Variants in DCK observed in about 807,000 individuals in gnomAD.
The protein encoded by DCK is deoxycytidine kinase.
A neutral mutation model predicts 38.3 loss-of-function variants in DCK; 23 were observed. The observed-to-expected ratio is 0.60, with a 90% CI of 0.43 to 0.85. The LOEUF is 0.85. Ranked by LOEUF, DCK falls within the 40% of genes least tolerant of loss-of-function variation. The pLI, the probability that DCK is intolerant of heterozygous loss-of-function variation, is 0.00. For missense variants in DCK, 259 were observed against 304.4 expected (o/e 0.85, Z 1.11); for synonymous variants, 108 against 100.6 (o/e 1.07, Z -0.44).
intron 6 of DCK, 137 bp downstream of exon 6, chr4:71,026,892 A>T (rs72553933): frequency 0.03 from 16,017 of 530,236 alleles, 324 homozygotes; most frequent in Non-Finnish European, 0.042. Flanking sequence ...AAGATTTTGG[A>T]CTGTTTAAGA....
At chr4:71,015,420 C>T (rs1293794185) in intron 2 of DCK, among the ~76,000 whole-genome samples, 2 of 152,202 alleles carry the variant, frequency 1.3e-5, no homozygotes, top group African/African-American at 4.8e-5. Flanking sequence ...GGAATCCTCC[C>T]TAACTCATTT....
rs188563156 is a variant in DCK, at chr4:71,006,293, C to T, written c.207+8111C>T. The T allele has an allele frequency of 1.4e-5, 13 of 945,182 alleles. No homozygotes were observed. The East Asian group carries it at 4.6e-4, about 34-fold the overall frequency. The allele number at this position is 945,182 out of a possible 1,614,324, so 58.5% of individuals were successfully genotyped here. A position where few individuals can be genotyped will look rare whatever the true frequency, so the allele number is the denominator to read the frequency against. On this transcript the variant is annotated intron_variant, in intron 2 of 6. Transcript: ENST00000286648. ...AAGTTGTAATTTTGCAGCATTTTAC[C>T]GTTCTGCACTGCAAATGAGGAAGAA... is the stretch of plus-strand genomic sequence containing the variant.
At chr4:70,998,640 G>A (rs1312930788) in intron 2 of DCK, among the ~76,000 whole-genome samples, 1 of 152,082 alleles carries the variant, frequency 6.6e-6, no homozygotes, top group African/African-American at 2.4e-5. Flanking sequence ...AACATGCATT[G>A]AGGCCGGGGT....
At chr4:70,999,354 T>G (rs1739732139) in intron 2 of DCK, among the ~76,000 whole-genome samples, 1 of 152,238 alleles carries the variant, frequency 6.6e-6, no homozygotes, top group African/African-American at 2.4e-5. Flanking sequence ...ATGAACTCAT[T>G]CTTTTATTAT....
rs1739593287 is a variant in DCK at position 70,993,770 on chromosome 4, G to A, written c.-66G>A. On this transcript the variant is annotated 5_prime_UTR_variant, in exon 1 of 7. Coordinates refer to ENST00000286648, the MANE Select transcript of DCK (RefSeq NM_000788.3). The stretch of plus-strand genomic sequence containing the variant: ...TTAGCGGCGCCGCGAGCTCCAGTGC[G>A]CGCACCCGTGGCCGCCTCCCAGCCC... 8.7e-7 allele frequency: 1 copy of A among 1,147,916 alleles called. No homozygotes were observed. Among genetic ancestry groups the A allele is most frequent in the Non-Finnish European group, 1.3e-6 (1 of 781,604 alleles). 71.1% of individuals were successfully genotyped at this position (1,147,916 alleles called of 1,614,324 possible).
At chr4:71,017,463 T>G (rs1740300521) in intron 2 of DCK, among the ~76,000 whole-genome samples, 1 of 152,136 alleles carries the variant, frequency 6.6e-6, no homozygotes, top group African/African-American at 2.4e-5. Context: ...CATGCTGCTA[T>G]ACAGACACAT....
intron 2 of DCK, among the ~76,000 whole-genome samples, chr4:71,017,126 AACAG>A (rs1170090480): frequency 1.3e-5 from 2 of 152,378 alleles, no homozygotes; most frequent in South Asian, 2.1e-4. Flanking sequence ...AAAGGATATG[AACAG>A]ACACTTTTCA....
chr4:71,001,459 T>C (rs1048810167), intron 2 of DCK, among the ~76,000 whole-genome samples: 1 of 152,170 alleles, frequency 6.6e-6, no homozygotes, highest in Non-Finnish European at 1.5e-5. Context: ...TTTTTTTTGT[T>C]GTGTCTCTGC....
At chr4:71,015,878 A>G (rs1464700574) in intron 2 of DCK, among the ~76,000 whole-genome samples, 3 of 152,252 alleles carry the variant, frequency 2.0e-5, no homozygotes, top group Non-Finnish European at 2.9e-5. Context: ...GGCACAAGAC[A>G]CGGATGCCCT....
intron 2 of DCK, among the ~76,000 whole-genome samples, chr4:71,013,136 A>G (rs1287618029): frequency 6.6e-6 from 1 of 152,258 alleles, no homozygotes; most frequent in Non-Finnish European, 1.5e-5. Flanking sequence ...AGCCGATTCA[A>G]TCAACTGGAA....
intron 2 of DCK, among the ~76,000 whole-genome samples, chr4:71,016,881 T>C (rs1740281129): frequency 6.6e-6 from 1 of 152,206 alleles, no homozygotes; most frequent in African/African-American, 2.4e-5. Context: ...GGGCAAGGAC[T>C]TCATGTCTAA....
intron 2 of DCK, among the ~76,000 whole-genome samples, chr4:71,014,069 G>T (rs1483757525): frequency 6.6e-6 from 1 of 152,132 alleles, no homozygotes; most frequent in African/African-American, 2.4e-5. Flanking sequence ...AGGGATGTAT[G>T]AAGATCTACC....
intron 2 of DCK, among the ~76,000 whole-genome samples, chr4:71,017,573 T>A (rs1481888096): frequency 1.3e-5 from 2 of 151,960 alleles, no homozygotes; most frequent in African/African-American, 4.8e-5. Flanking sequence ...ATGTGGCACA[T>A]ATACACCATG....
chr4:71,016,800 T>G (rs1470475381), intron 2 of DCK, among the ~76,000 whole-genome samples: 7 of 152,238 alleles, frequency 4.6e-5, no homozygotes, highest in Non-Finnish European at 2.9e-5. Context: ...GATTAAAGAC[T>G]TAAATGTTAG....
At chr4:71,008,055 CTGTT>C (rs1417208897) in intron 2 of DCK, among the ~76,000 whole-genome samples, 5 of 152,298 alleles carry the variant, frequency 3.3e-5, no homozygotes, top group Admixed American at 1.3e-4. Flanking sequence ...TCGTCTATCA[CTGTT>C]TGTCCATTTT....
chr4:71,022,575 C>T lies in DCK; in HGVS notation c.401+15C>T. ...TATAGTGACAGGTATGTATAAATGGCTTGTACGTGGCCATTTGAAGTTTTT... is the reference window on the plus strand; with the variant it reads ...TATAGTGACAGGTATGTATAAATGGTTTGTACGTGGCCATTTGAAGTTTTT... On this transcript the variant is annotated intron_variant, in intron 3 of 6. Coordinates refer to ENST00000286648, the MANE Select transcript of DCK (RefSeq NM_000788.3). 1.4e-6 allele frequency: 2 copies of T among 1,385,736 alleles called. No individual in the cohort carries two copies. The highest frequency in any genetic ancestry group is 1.9e-4 in the Middle Eastern group (1 of 5,250). 85.8% of individuals were successfully genotyped at this position (1,385,736 alleles called of 1,614,324 possible). A position where few individuals can be genotyped will look rare whatever the true frequency, so the allele number is the denominator to read the frequency against.
intron 6 of DCK, among the ~76,000 whole-genome samples, chr4:71,027,687 C>T (rs1303919751): frequency 6.6e-6 from 1 of 151,922 alleles, no homozygotes; most frequent in Non-Finnish European, 1.5e-5. Flanking sequence ...ACTACTGTAG[C>T]GTATACATGT....
chr4:71,026,053 G>T (rs906115472), intron 5 of DCK, 122 bp downstream of exon 5: 7 of 1,179,836 alleles, frequency 5.9e-6, no homozygotes, highest in Non-Finnish European at 7.9e-6. Flanking sequence ...TTGCTTATTG[G>T]TATCTTCCAG....
intron 2 of DCK, among the ~76,000 whole-genome samples, chr4:71,011,232 C>T (rs1483440212): frequency 1.2e-4 from 11 of 93,004 alleles, no homozygotes; most frequent in Admixed American, 3.5e-4. Context: ...TGTGAGGTCT[C>T]TTTTTTTTTT....
Sources: allele counts gnomAD v4.1 joint callset (sites outside exome capture counted in the v4.1 genomes callset), GRCh38; gene constraint gnomAD v4.1.1; transcripts MANE v1.5; gene names NCBI Gene and HGNC (gene_info 2026-07-23, HGNC 2026-07-21).